ZNF804A: variants seen among roughly 807,000 people sequenced by gnomAD.
The protein encoded by ZNF804A is zinc finger protein 804A.
ZNF804A carries 2 observed loss-of-function variants against 16.5 expected under a neutral mutation model. The observed-to-expected ratio is 0.12, with a 90% CI of 0.05 to 0.38. ZNF804A has a LOEUF of 0.38. Among genes scored for constraint, ZNF804A ranks in the 10% least tolerant of loss-of-function variants. ZNF804A has a pLI of 0.99. For missense variants in ZNF804A, 1,473 were observed against 1,390.7 expected (o/e 1.06, Z -0.94); for synonymous variants, 534 against 489.6 (o/e 1.09, Z -1.20).
Position 184,866,338 on chromosome 2 carries a change from T to C in ZNF804A, c.112-31T>C, listed in dbSNP as rs771300254. ...CAAAGTAAACACAGGGGAGAGCTAA[T>C]TGTATCCTTCCTTGAAATTTTATTT... On this transcript the variant is annotated intron_variant, in intron 1 of 3. Coordinates refer to ENST00000302277, the MANE Select transcript of ZNF804A (RefSeq NM_194250.2). 16 of 1,609,980 alleles carry C rather than the reference T, an allele frequency of 9.9e-6. No homozygotes were observed. The Admixed American group carries it at 1.7e-4, about 17-fold the overall frequency.
At chr2:184,862,230 C>T (rs1457879438) in intron 1 of ZNF804A, among the ~76,000 whole-genome samples, 1 of 152,128 alleles carries the variant, frequency 6.6e-6, no homozygotes, top group Non-Finnish European at 1.5e-5. Context: ...AAGTATCAGT[C>T]AGTACCTGTT....
chr2:184,650,078 A>T lies in ZNF804A; in HGVS notation c.111+51008A>T, dbSNP rs1365811337. Among the ~76,000 whole-genome samples, 3 of 152,084 alleles carry T rather than the reference A, an allele frequency of 2.0e-5. 1 individual carries two copies. Among genetic ancestry groups the T allele is most frequent in the Admixed American group, 2.0e-4 (3 of 15,262 alleles). On this transcript the variant is annotated intron_variant, in intron 1 of 3. Coordinates refer to ENST00000302277, the MANE Select transcript of ZNF804A (RefSeq NM_194250.2). ...AATCCTCGAGAAAATACTAGCACCC[A>T]AATCCAACAGCACATCAAAAAGTTA...
At chr2:184,765,595 C>G (rs1239766840) in intron 1 of ZNF804A, among the ~76,000 whole-genome samples, 2 of 143,888 alleles carry the variant, frequency 1.4e-5, no homozygotes, top group South Asian at 2.2e-4. Flanking sequence ...ATCACTACCC[C>G]CTCACATGCA....
At chr2:184,859,702 TTAGAAA>T (rs1429376029) in intron 1 of ZNF804A, among the ~76,000 whole-genome samples, 4 of 152,202 alleles carry the variant, frequency 2.6e-5, no homozygotes, top group African/African-American at 9.7e-5. Context: ...TGTGTATGCA[TTAGAAA>T]TAGTTTATTA....
At chr2:184,748,388 G>C (rs1188281776) in intron 1 of ZNF804A, among the ~76,000 whole-genome samples, 1 of 151,336 alleles carries the variant, frequency 6.6e-6, no homozygotes, top group Non-Finnish European at 1.5e-5. Flanking sequence ...GTGATGTTGA[G>C]AGTGTTTTCA....
At chr2:184,691,072 G>A (rs549675027) in intron 1 of ZNF804A, among the ~76,000 whole-genome samples, 10 of 152,046 alleles carry the variant, frequency 6.6e-5, no homozygotes, top group South Asian at 6.2e-4. Context: ...ATTTAGCGGG[G>A]TTCACTCCAT....
chr2:184,799,168 G>T (rs918301969), intron 1 of ZNF804A, among the ~76,000 whole-genome samples: 2 of 152,046 alleles, frequency 1.3e-5, no homozygotes, highest in Non-Finnish European at 2.9e-5. Flanking sequence ...GGGTCCTTTG[G>T]AGATTGCTGG....
intron 1 of ZNF804A, among the ~76,000 whole-genome samples, chr2:184,673,193 G>A (rs1692365630): frequency 6.6e-6 from 1 of 152,208 alleles, no homozygotes; most frequent in Non-Finnish European, 1.5e-5. Flanking sequence ...GGAAAAGCCA[G>A]AGGCAACCTA....
At chr2:184,699,747 T>C (rs1167927044) in intron 1 of ZNF804A, among the ~76,000 whole-genome samples, 1 of 152,064 alleles carries the variant, frequency 6.6e-6, no homozygotes, top group Admixed American at 6.6e-5. Flanking sequence ...AACCTCAATG[T>C]TTAATGCCAG....
At chr2:184,785,761 C>T (rs1313949693) in intron 1 of ZNF804A, among the ~76,000 whole-genome samples, 2 of 151,962 alleles carry the variant, frequency 1.3e-5, no homozygotes, top group African/African-American at 2.4e-5. Context: ...ATAGATACCA[C>T]ACATAAAATA....
intron 1 of ZNF804A, among the ~76,000 whole-genome samples, chr2:184,676,951 TTACTC>T (rs1315469759): frequency 2.0e-5 from 3 of 151,912 alleles, no homozygotes; most frequent in Admixed American, 6.6e-5. Context: ...TTATTTAACT[TTACTC>T]TTCATTTTGT....
chr2:184,783,772 C>T (rs1694407640), intron 1 of ZNF804A, among the ~76,000 whole-genome samples: 1 of 151,942 alleles, frequency 6.6e-6, no homozygotes, highest in African/African-American at 2.4e-5. Flanking sequence ...TGTTATCTCA[C>T]TGATTGCTCC....
intron 1 of ZNF804A, among the ~76,000 whole-genome samples, chr2:184,655,429 G>T (rs1373540048): frequency 3.9e-5 from 6 of 152,160 alleles, no homozygotes; most frequent in African/African-American, 1.4e-4. Flanking sequence ...CTGAATTTTT[G>T]TGTTAGCTGG....
At chr2:184,777,544 G>GA (rs1402895855) in intron 1 of ZNF804A, among the ~76,000 whole-genome samples, 4 of 149,522 alleles carry the variant, frequency 2.7e-5, no homozygotes, top group East Asian at 2.0e-4. Flanking sequence ...TCCTAACTCT[G>GA]AAAAAAATGC....
intron 1 of ZNF804A, among the ~76,000 whole-genome samples, chr2:184,618,449 G>GA (rs919784125): frequency 9.9e-5 from 15 of 152,012 alleles, no homozygotes; most frequent in African/African-American, 2.7e-4. Flanking sequence ...ACCAAGATAG[G>GA]AAAAAAAGAT....
At chr2:184,732,931 T>C (rs1693542665) in intron 1 of ZNF804A, among the ~76,000 whole-genome samples, 1 of 152,142 alleles carries the variant, frequency 6.6e-6, no homozygotes, top group Non-Finnish European at 1.5e-5. Flanking sequence ...GCCATTGTTG[T>C]TGATTCTTTT....
chr2:184,823,821 T>C (rs1398044765), intron 1 of ZNF804A, among the ~76,000 whole-genome samples: 1 of 152,138 alleles, frequency 6.6e-6, no homozygotes, highest in Non-Finnish European at 1.5e-5. Flanking sequence ...AATTATTAGT[T>C]TGTTGGGAAA....
intron 1 of ZNF804A, among the ~76,000 whole-genome samples, chr2:184,609,465 T>C (rs1691203218): frequency 6.6e-6 from 1 of 152,216 alleles, no homozygotes; most frequent in Non-Finnish European, 1.5e-5. Context: ...TTAGCAACAA[T>C]TTAAAAATTA....
In ZNF804A at chr2:184,935,934, G is replaced by A. The variant is rs111510601; in HGVS notation, c.538G>A (p.Ala180Thr). ...LIHSEENTKD[A>T]TTVAEDPESA... ...TCATAGTGAAGAGAATACTAAAGATGCTACCACTGTTGCTGAAGATCCAGA... is the reference window on the plus strand; with the variant it reads ...TCATAGTGAAGAGAATACTAAAGATACTACCACTGTTGCTGAAGATCCAGA... The change falls in exon 4 of 4, where the codon GCT (alanine) becomes ACT (threonine). Residue 180 changes from alanine (A) to threonine (T), a missense_variant. By Grantham distance (58) the Ala-to-Thr change is moderately conservative. Transcript: ENST00000302277. 2,937 of 1,613,876 alleles carry A rather than the reference G, an allele frequency of 1.8e-3. 5 individuals carry two copies. Among genetic ancestry groups the A allele is most frequent in the Non-Finnish European group, 2.3e-3 (2,694 of 1,179,892 alleles).
Sources: gnomAD v4.1 joint callset for allele counts (sites outside exome capture counted in the v4.1 genomes callset) on GRCh38, gnomAD v4.1.1 for gene constraint, MANE v1.5 for transcripts, NCBI Gene and HGNC (gene_info 2026-07-23, HGNC 2026-07-21) for gene names.